Variants in DNM1 observed in about 807,000 individuals in gnomAD.
DNM1 encodes the protein dynamin-1.
Under a neutral mutation model 104.6 loss-of-function variants are expected in DNM1, and 29 were observed. The ratio of observed to expected loss-of-function variants is 0.28; its 90% confidence interval spans 0.21 to 0.38. DNM1 has a LOEUF of 0.38. Ranked by LOEUF, DNM1 falls within the 10% of genes least tolerant of loss-of-function variation. The pLI is 1.00. For missense variants in DNM1, 640 were observed against 1,189.4 expected (o/e 0.54, Z 6.79); for synonymous variants, 445 against 475.8 (o/e 0.94, Z 0.84).
chr9:128,246,608 C>G, intron 16 of DNM1, 105 bp downstream of exon 16: 2 of 742,590 alleles, frequency 2.7e-6, no homozygotes, highest in Non-Finnish European at 4.7e-6. Flanking sequence ...CCCCTAGGCC[C>G]CACAGCAAGC....
At chr9:128,217,158 CCT>C (rs1277703127) in intron 1 of DNM1, among the ~76,000 whole-genome samples, 4 of 152,216 alleles carry the variant, frequency 2.6e-5, no homozygotes, top group Admixed American at 1.3e-4. Context: ...GACTTTGGGA[CCT>C]CTCAGTCCAG....
At chr9:128,242,366 C>T in intron 15 of DNM1, 21 bp downstream of exon 15, 1 of 1,372,362 alleles carries the variant, frequency 7.3e-7, no homozygotes, top group Non-Finnish European at 1.0e-6. Flanking sequence ...GGCCAGTGGT[C>T]ATCAAGGGGC....
chr9:128,209,077 AC>A (rs149010405), intron 1 of DNM1, among the ~76,000 whole-genome samples: 2 of 150,526 alleles, frequency 1.3e-5, no homozygotes, highest in South Asian at 2.1e-4. Flanking sequence ...GCCCTTTGAC[AC>A]CCCCCCACCC....
intron 9 of DNM1, 166 bp downstream of exon 9, chr9:128,223,026 G>T: frequency 1.4e-6 from 1 of 701,914 alleles, no homozygotes; most frequent in Non-Finnish European, 2.3e-6. Flanking sequence ...GCTCCAGCTT[G>T]GGGAGGTGGA....
intron 10 of DNM1, chr9:128,225,902 G>A: frequency 1.3e-6 from 1 of 744,966 alleles, no homozygotes; most frequent in South Asian, 1.7e-5. Flanking sequence ...CTGTGTCGAT[G>A]TCTCTCTCTC....
intron 21 of DNM1, chr9:128,251,475 G>A: frequency 8.2e-6 from 2 of 245,322 alleles, no homozygotes; most frequent in South Asian, 4.0e-5. Flanking sequence ...GCAGAGGCCA[G>A]GCTGTGACTG....
Position 128,220,571 on chromosome 9 carries a change from C to A in DNM1, c.849+230C>A, listed in dbSNP as rs554066980. On this transcript the variant is annotated intron_variant, in intron 6 of 21. Transcript: ENST00000372923. The surrounding 1 kb of genome is among the most constrained non-coding windows in gnomAD (Gnocchi z 5.2). ...CCAGGGAAGCCCTGGAAGTCCCCAA[C>A]ACAGAGAAGGCCAAGACCTATGTGG... 1.2e-4 allele frequency among the ~76,000 whole-genome samples: 19 copies of A among 152,296 alleles called. No individual in the cohort carries two copies. The highest frequency in any genetic ancestry group is 3.8e-4 in the African/African-American group (16 of 41,570).
chr9:128,224,211 G>A lies in DNM1; in HGVS notation c.1197-40G>A. Reference sequence around the variant, plus strand: ...GGCCTGGCCCTCCTGGCCGGCACTGGCCTGTGACACTCTGCCCTTCTCCCG... The same window carrying A: ...GGCCTGGCCCTCCTGGCCGGCACTGACCTGTGACACTCTGCCCTTCTCCCG... On this transcript the variant is annotated intron_variant, in intron 9 of 21. Transcript: ENST00000372923. This position sits in a 1 kb window ranked among gnomAD's most constrained non-coding sequence, Gnocchi z 4.3. 1.3e-6 allele frequency: 2 copies of A among 1,599,472 alleles called. No individual in the cohort carries two copies. The highest frequency in any genetic ancestry group is 1.7e-6 in the Non-Finnish European group (2 of 1,172,056).
chr9:128,220,445 C>A lies in DNM1; in HGVS notation c.849+104C>A. 1.4e-6 allele frequency: 2 copies of A among 1,411,394 alleles called. No individual in the cohort carries two copies. Among genetic ancestry groups the A allele is most frequent in the South Asian group, 1.3e-5 (1 of 78,204 alleles). 87.4% of individuals were successfully genotyped at this position (1,411,394 alleles called of 1,614,324 possible). A position where few individuals can be genotyped will look rare whatever the true frequency, so the allele number is the denominator to read the frequency against. ...AGCAGAGGTTAGCCTCTCCGTAGTGCAGATAGACAAACTGAGCCTCAGAAA... is the reference window on the plus strand; with the variant it reads ...AGCAGAGGTTAGCCTCTCCGTAGTGAAGATAGACAAACTGAGCCTCAGAAA... On this transcript the variant is annotated intron_variant, in intron 6 of 21. Transcript: ENST00000372923. The surrounding 1 kb of genome is among the most constrained non-coding windows in gnomAD (Gnocchi z 5.2).
chr9:128,237,020 A>G (rs532820364), intron 11 of DNM1, among the ~76,000 whole-genome samples: 1 of 152,320 alleles, frequency 6.6e-6, no homozygotes, highest in Admixed American at 6.5e-5. Context: ...AATATCTAAC[A>G]TCTGTTGAGT....
At chr9:128,250,684 C>T in intron 20 of DNM1, 41 bp from the exon 21 acceptor site, 2 of 1,422,806 alleles carry the variant, frequency 1.4e-6, no homozygotes, top group Non-Finnish European at 1.8e-6. Flanking sequence ...CGGAGCTGCT[C>T]ATCTCGCCTC....
chr9:128,233,907 C>T, intron 10 of DNM1, 114 bp from the exon 11 acceptor site: 1 of 917,654 alleles, frequency 1.1e-6, no homozygotes, highest in South Asian at 1.4e-5. Flanking sequence ...GCGTTGTGGG[C>T]ATTCTGTGTG....
At chr9:128,250,974 C>A in intron 21 of DNM1, 34 bp downstream of exon 21, 1 of 1,254,670 alleles carries the variant, frequency 8.0e-7, no homozygotes, top group Non-Finnish European at 1.1e-6. Context: ...GGAGAGGCTG[C>A]CGGACGGGCG....
At chr9:128,213,911 A>T (rs1426735305) in intron 1 of DNM1, among the ~76,000 whole-genome samples, 3 of 152,098 alleles carry the variant, frequency 2.0e-5, no homozygotes, top group African/African-American at 7.2e-5. Context: ...ATGAGCTGTG[A>T]CGGGGCTGCC....
chr9:128,236,554 T>G (rs1203795329), intron 11 of DNM1, among the ~76,000 whole-genome samples: 1 of 152,082 alleles, frequency 6.6e-6, no homozygotes. Flanking sequence ...AAAATAACCA[T>G]TACTAACAGT....
chr9:128,222,651 C>T lies in DNM1; in HGVS notation c.1128+55C>T. The T allele has an allele frequency of 6.2e-7, 1 of 1,609,326 alleles. No individual in the cohort carries two copies. The highest frequency in any genetic ancestry group is 8.5e-7 in the Non-Finnish European group (1 of 1,176,734). On this transcript the variant is annotated intron_variant, in intron 8 of 21. Transcript: ENST00000372923. The surrounding 1 kb of genome is among the most constrained non-coding windows in gnomAD (Gnocchi z 7.8). ...GCTCAGGACTCCCCCCACCCTCACT[C>T]AGGACTCTCTCTGCGTGTGTTTTTG...
rs768729805 is a variant in DNM1, at chr9:128,218,322, C to G, written c.235+18C>G. On this transcript the variant is annotated intron_variant, in intron 2 of 21. Coordinates refer to ENST00000372923, the MANE Select transcript of DNM1 (RefSeq NM_004408.4). This position sits in a 1 kb window ranked among gnomAD's most constrained non-coding sequence, Gnocchi z 4.8. The stretch of plus-strand genomic sequence containing the variant: ...AACCACAGGTACGTGCCCTCCTTCA[C>G]CAGCAGCCAGGCCTGCCCACTCCAG... 6.2e-7 allele frequency: 1 copy of G among 1,613,764 alleles called. No homozygotes were observed.
intron 10 of DNM1, among the ~76,000 whole-genome samples, chr9:128,233,212 C>A (rs1262099309): frequency 6.6e-6 from 1 of 152,302 alleles, no homozygotes; most frequent in East Asian, 1.9e-4. Context: ...TGAGCTCCTA[C>A]CCCAAAGGAG....
At chr9:128,249,421 C>G (rs1297552726) in intron 19 of DNM1, among the ~76,000 whole-genome samples, 1 of 152,014 alleles carries the variant, frequency 6.6e-6, no homozygotes, top group South Asian at 2.1e-4. Flanking sequence ...CTTTGGGAGG[C>G]CGAGGTGCGC....
Sources: gnomAD v4.1 joint callset for allele counts (sites outside exome capture counted in the v4.1 genomes callset) on GRCh38, gnomAD v4.1.1 for gene constraint, Gnocchi (gnomAD v3.1) non-coding constraint, MANE v1.5 for transcripts, NCBI Gene and HGNC (gene_info 2026-07-23, HGNC 2026-07-21) for gene names.